Variants in DCC observed in about 807,000 individuals in gnomAD.
DCC encodes the protein DCC netrin 1 receptor.
DCC carries 58 observed loss-of-function variants against 172.5 expected under a neutral mutation model. The observed-to-expected ratio is 0.34, with a 90% CI of 0.27 to 0.42. The LOEUF is 0.42. Among genes scored for constraint, DCC ranks in the 10% least tolerant of loss-of-function variants. The pLI, the probability that DCC is intolerant of heterozygous loss-of-function variation, is 1.00. For missense variants in DCC, 1,740 were observed against 1,791.0 expected (o/e 0.97, Z 0.51); for synonymous variants, 709 against 644.5 (o/e 1.10, Z -1.52).
intron 13 of DCC, among the ~76,000 whole-genome samples, chr18:53,319,583 T>A (rs1352349456): frequency 6.6e-6 from 1 of 152,218 alleles, no homozygotes; most frequent in Non-Finnish European, 1.5e-5. Flanking sequence ...CAGTCAGATT[T>A]TCACCAGAGA....
intron 2 of DCC, among the ~76,000 whole-genome samples, chr18:52,884,054 C>G (rs555671915): frequency 1.3e-5 from 2 of 151,762 alleles, no homozygotes; most frequent in African/African-American, 4.8e-5. Context: ...AGGTTCCCAC[C>G]GAAAACTCTG....
intron 1 of DCC, among the ~76,000 whole-genome samples, chr18:52,751,496 T>C (rs2036993709): frequency 6.6e-6 from 1 of 152,236 alleles, no homozygotes. Flanking sequence ...AGTAGCTTTA[T>C]TGACTTGCTT....
chr18:53,499,701 G>C (rs140861320), intron 27 of DCC, among the ~76,000 whole-genome samples, 191 bp downstream of exon 27: 16 of 152,202 alleles, frequency 1.1e-4, no homozygotes, highest in African/African-American at 3.9e-4. Flanking sequence ...GCAACTGATT[G>C]GTTGTAGGTG....
At chr18:53,384,421 T>C (rs553770796) in intron 15 of DCC, among the ~76,000 whole-genome samples, 1 of 152,256 alleles carries the variant, frequency 6.6e-6, no homozygotes, top group Non-Finnish European at 1.5e-5. Flanking sequence ...TGTTTTTATT[T>C]TCCTTTGGAT....
chr18:52,429,460 A>G (rs1161326214), intron 1 of DCC, among the ~76,000 whole-genome samples: 1 of 152,148 alleles, frequency 6.6e-6, no homozygotes, highest in Non-Finnish European at 1.5e-5. Context: ...GAGTGATAAG[A>G]GCATATTAAT....
chr18:52,471,900 G>A (rs1408844736), intron 1 of DCC, among the ~76,000 whole-genome samples: 1 of 152,066 alleles, frequency 6.6e-6, no homozygotes, highest in Non-Finnish European at 1.5e-5. Flanking sequence ...TTATGTGAAG[G>A]GCAGAAAACT....
chr18:52,945,986 C>T (rs992735934), intron 5 of DCC, among the ~76,000 whole-genome samples: 9 of 152,170 alleles, frequency 5.9e-5, no homozygotes, highest in Non-Finnish European at 1.2e-4. Context: ...GGGGCAACTT[C>T]CCTGCTAGAG....
At chr18:53,508,305 G>A (rs560509938) in intron 27 of DCC, among the ~76,000 whole-genome samples, 19 of 151,908 alleles carry the variant, frequency 1.3e-4, no homozygotes, top group Middle Eastern at 3.4e-3. Flanking sequence ...TTATCCTCTC[G>A]CCTCAGCTTC....
At chr18:53,234,734 T>G (rs1220535107) in intron 12 of DCC, among the ~76,000 whole-genome samples, 1 of 152,178 alleles carries the variant, frequency 6.6e-6, no homozygotes, top group African/African-American at 2.4e-5. Context: ...CAGTGCTTAC[T>G]CTGGATTATA....
chr18:52,656,112 A>T (rs1469603712), intron 1 of DCC, among the ~76,000 whole-genome samples: 2 of 147,396 alleles, frequency 1.4e-5, no homozygotes, highest in Admixed American at 6.8e-5. Flanking sequence ...ATACATATAT[A>T]TAACATATAT....
chr18:53,229,512 G>T (rs751441594), intron 12 of DCC, among the ~76,000 whole-genome samples: 1 of 151,808 alleles, frequency 6.6e-6, no homozygotes, highest in Non-Finnish European at 1.5e-5. Flanking sequence ...TATTCATATC[G>T]TATCTGTGGG....
At chr18:53,336,786 G>A (rs1479448566) in intron 14 of DCC, among the ~76,000 whole-genome samples, 1 of 152,198 alleles carries the variant, frequency 6.6e-6, no homozygotes, top group African/African-American at 2.4e-5. Flanking sequence ...TGAGGTGGGA[G>A]GTTGGCTTGA....
intron 1 of DCC, among the ~76,000 whole-genome samples, chr18:52,539,649 C>T (rs1462211039): frequency 5.3e-5 from 8 of 152,150 alleles, no homozygotes; most frequent in Non-Finnish European, 1.0e-4. Flanking sequence ...AAAAAATTGT[C>T]TTCCATGAAG....
intron 27 of DCC, among the ~76,000 whole-genome samples, chr18:53,512,424 G>T (rs936466706): frequency 6.6e-6 from 1 of 151,676 alleles, no homozygotes; most frequent in Non-Finnish European, 1.5e-5. Flanking sequence ...CCAAAAGAAC[G>T]CAGTTCCTCA....
chr18:53,483,911 T>G (rs1248579218), intron 25 of DCC, among the ~76,000 whole-genome samples: 1 of 151,788 alleles, frequency 6.6e-6, no homozygotes, highest in Non-Finnish European at 1.5e-5. Flanking sequence ...TCTATTCCAG[T>G]GTGCTTGTTG....
At chr18:52,542,256 G>A (rs1019032300) in intron 1 of DCC, among the ~76,000 whole-genome samples, 68 of 151,404 alleles carry the variant, frequency 4.5e-4, no homozygotes, top group African/African-American at 1.6e-3. Context: ...GTAGCCACTC[G>A]AAAAATGCTG....
At chr18:52,739,528 G>T (rs1166631355) in intron 1 of DCC, among the ~76,000 whole-genome samples, 3 of 152,062 alleles carry the variant, frequency 2.0e-5, no homozygotes, top group African/African-American at 7.2e-5. Flanking sequence ...CACAAGAGAG[G>T]TACAATAAAG....
intron 2 of DCC, among the ~76,000 whole-genome samples, chr18:52,785,610 G>A (rs889097698): frequency 6.6e-6 from 1 of 151,946 alleles, no homozygotes; most frequent in African/African-American, 2.4e-5. Context: ...ATGTTTGTTT[G>A]GTCTGCAGCA....
chr18:53,189,276 A>G (rs1285374091), intron 9 of DCC, among the ~76,000 whole-genome samples: 1 of 152,126 alleles, frequency 6.6e-6, no homozygotes, highest in Non-Finnish European at 1.5e-5. Context: ...ATCAGAGTCC[A>G]GATATTGGCA....
Sources: gnomAD v4.1 joint callset for allele counts (sites outside exome capture counted in the v4.1 genomes callset) on GRCh38, gnomAD v4.1.1 for gene constraint, MANE v1.5 for transcripts, NCBI Gene and HGNC (gene_info 2026-07-23, HGNC 2026-07-21) for gene names.